Variants in RARB observed in about 807,000 individuals in gnomAD.
The protein encoded by RARB is retinoic acid receptor beta.
RARB carries 17 observed loss-of-function variants against 51.9 expected under a neutral mutation model. The observed-to-expected ratio is 0.33, with a 90% CI of 0.22 to 0.49. The LOEUF (loss-of-function observed/expected upper bound fraction) is 0.49. Ranked by LOEUF, RARB falls within the 20% of genes least tolerant of loss-of-function variation. RARB has a pLI of 0.99. For synonymous variants in RARB, 215 were observed against 195.4 expected, an observed-to-expected ratio of 1.10 and a Z score of -0.84; for missense variants, 369 against 550.8, an observed-to-expected ratio of 0.67 and a Z score of 3.30.
Position 25,279,168 on chromosome 3 carries a change from T to A in RARB, c.178+104593T>A, listed in dbSNP as rs112901505. Among the ~76,000 whole-genome samples, 1,450 of 152,286 alleles carry A rather than the reference T, an allele frequency of 9.5e-3. 29 individuals carry two copies. The highest frequency in any genetic ancestry group is 0.033 in the African/African-American group (1,381 of 41,568). ...TAATGGAATATTCACAACATCAAAA[T>A]GCAGAAGGTTACTTGTCTTGTCCAG... On this transcript the variant is annotated intron_variant, in intron 5 of 11. Transcript: ENST00000383772.
chr3:25,374,239 A>G (rs971451692), intron 5 of RARB, among the ~76,000 whole-genome samples: 1 of 152,136 alleles, frequency 6.6e-6, no homozygotes, highest in Non-Finnish European at 1.5e-5. Flanking sequence ...CAAACCAGGT[A>G]CCAGGAAAGA....
chr3:25,328,329 G>T (rs961247447), intron 5 of RARB, among the ~76,000 whole-genome samples: 2 of 152,208 alleles, frequency 1.3e-5, no homozygotes, highest in South Asian at 2.1e-4. Flanking sequence ...AAACAAGCCT[G>T]CCCAACAGGG....
intron 2 of RARB, among the ~76,000 whole-genome samples, chr3:24,971,102 G>A (rs1696388567): frequency 6.6e-6 from 1 of 151,852 alleles, no homozygotes; most frequent in Admixed American, 6.6e-5. Context: ...AAAATAATCA[G>A]ATCCTAACAG....
chr3:24,870,368 C>G (rs887931252), intron 2 of RARB, among the ~76,000 whole-genome samples: 5 of 152,054 alleles, frequency 3.3e-5, no homozygotes, highest in Non-Finnish European at 5.9e-5. Flanking sequence ...AATAGGAAAA[C>G]TAATTGTTCC....
intron 4 of RARB, among the ~76,000 whole-genome samples, chr3:25,165,763 A>G (rs1700551302): frequency 6.6e-6 from 1 of 152,174 alleles, no homozygotes; most frequent in African/African-American, 2.4e-5. Flanking sequence ...AGATGTAACA[A>G]CTTTGGGTTG....
At chr3:25,112,470 A>G (rs1189993340) in intron 3 of RARB, among the ~76,000 whole-genome samples, 1 of 152,204 alleles carries the variant, frequency 6.6e-6, no homozygotes, top group Non-Finnish European at 1.5e-5. Context: ...TTAAATAACA[A>G]TACTTCCTTA....
At chr3:25,317,858 C>A (rs1575307798) in intron 5 of RARB, among the ~76,000 whole-genome samples, 2 of 152,174 alleles carry the variant, frequency 1.3e-5, no homozygotes, top group Non-Finnish European at 2.9e-5. Context: ...CTCTTTTACA[C>A]TATGAATCAC....
intron 4 of RARB, among the ~76,000 whole-genome samples, chr3:25,142,054 G>A (rs184794061): frequency 6.6e-5 from 10 of 152,336 alleles, no homozygotes; most frequent in African/African-American, 1.4e-4. Context: ...CATCTTGGCC[G>A]TGTGCGGTGG....
intron 1 of RARB, among the ~76,000 whole-genome samples, chr3:24,855,017 C>G (rs544187730): frequency 6.6e-6 from 1 of 152,082 alleles, no homozygotes; most frequent in African/African-American, 2.4e-5. Context: ...AGGCAAGAAA[C>G]CTTTAGATGT....
chr3:25,303,522 C>A (rs1393528038), intron 5 of RARB, among the ~76,000 whole-genome samples: 2 of 152,162 alleles, frequency 1.3e-5, no homozygotes, highest in African/African-American at 2.4e-5. Context: ...ACCCGTGTCC[C>A]CTCTGACGTT....
rs202169097 is a variant in RARB at position 25,228,239 on chromosome 3, G to A, written c.178+53664G>A. On this transcript the variant is annotated intron_variant, in intron 5 of 11. Transcript: ENST00000383772. ...AGGGTTTTTTTTTTTTTTTTTTTTGGTTGTTCATTTGTACAGTTCTCTCTT... is the reference window on the plus strand; with the variant it reads ...AGGGTTTTTTTTTTTTTTTTTTTTGATTGTTCATTTGTACAGTTCTCTCTT... Among the ~76,000 whole-genome samples the A allele has an allele frequency of 1.4e-3, 71 of 52,218 alleles. 1 individual carries two copies. In the South Asian group the frequency reaches 0.035, roughly 26 times the overall value. 34.3% of individuals were successfully genotyped at this position (52,218 alleles called of 152,430 possible).
chr3:24,834,224 C>T (rs1702314476), intron 1 of RARB, among the ~76,000 whole-genome samples: 1 of 152,084 alleles, frequency 6.6e-6, no homozygotes, highest in Admixed American at 6.5e-5. Context: ...TTCACTTTTG[C>T]CAAATTTGGA....
At chr3:25,079,576 T>C (rs1698949725) in intron 3 of RARB, among the ~76,000 whole-genome samples, 1 of 152,212 alleles carries the variant, frequency 6.6e-6, no homozygotes, top group South Asian at 2.1e-4. Flanking sequence ...TCTAGTTTGC[T>C]GAGGGTTTCT....
chr3:25,239,744 C>T (rs1032280156), intron 5 of RARB, among the ~76,000 whole-genome samples: 2 of 151,982 alleles, frequency 1.3e-5, no homozygotes, highest in African/African-American at 2.4e-5. Context: ...TGATGCCTCC[C>T]GCTTTGTTTT....
chr3:25,020,972 T>C (rs1335588575), intron 2 of RARB, among the ~76,000 whole-genome samples: 1 of 152,022 alleles, frequency 6.6e-6, no homozygotes, highest in East Asian at 1.9e-4. Flanking sequence ...CGTCTCAAAA[T>C]AAATAAATAA....
At chr3:25,093,456 T>C (rs1473370925) in intron 3 of RARB, among the ~76,000 whole-genome samples, 1 of 150,682 alleles carries the variant, frequency 6.6e-6, no homozygotes, top group East Asian at 2.0e-4. Context: ...AAACTAACTT[T>C]GGGAAACATT....
At chr3:24,978,520 A>T (rs934325545) in intron 2 of RARB, among the ~76,000 whole-genome samples, 6 of 152,132 alleles carry the variant, frequency 3.9e-5, no homozygotes, top group African/African-American at 1.4e-4. Context: ...CATTTCTTCT[A>T]GATTTTCTAA....
chr3:25,192,114 A>C (rs1300444739), intron 5 of RARB, among the ~76,000 whole-genome samples: 1 of 152,134 alleles, frequency 6.6e-6, no homozygotes, highest in Non-Finnish European at 1.5e-5. Flanking sequence ...CTTGTAGGAC[A>C]TGAAGGTAGT....
At chr3:25,015,178 G>T (rs894813173) in intron 2 of RARB, among the ~76,000 whole-genome samples, 1 of 152,100 alleles carries the variant, frequency 6.6e-6, no homozygotes, top group Admixed American at 6.6e-5. Flanking sequence ...CTATATATTT[G>T]ATGGTGTGAC....
Sources: gnomAD v4.1 joint callset for allele counts (sites outside exome capture counted in the v4.1 genomes callset) on GRCh38, gnomAD v4.1.1 for gene constraint, MANE v1.5 for transcripts, NCBI Gene and HGNC (gene_info 2026-07-23, HGNC 2026-07-21) for gene names.